Variants in USP14 observed in about 807,000 individuals in gnomAD.
The protein encoded by USP14 is ubiquitin carboxyl-terminal hydrolase 14.
A neutral mutation model predicts 76.5 loss-of-function variants in USP14; 38 were observed. The observed-to-expected ratio is 0.50, with a 90% CI of 0.38 to 0.65. The LOEUF (loss-of-function observed/expected upper bound fraction) is 0.65, where lower values mean the gene tolerates loss of function less well. Ranked by LOEUF, USP14 falls within the 30% of genes least tolerant of loss-of-function variation. The probability of loss-of-function intolerance (pLI) is 0.00; values close to 1 mark genes in which losing one functional copy is unlikely to be tolerated. For missense variants in USP14, 467 were observed against 586.5 expected, an observed-to-expected ratio of 0.80 and a Z score of 2.10; for synonymous variants, 192 against 191.7, an observed-to-expected ratio of 1.00 and a Z score of -0.01.
At chr18:185,163 T>A (rs963880779) in intron 5 of USP14, among the ~76,000 whole-genome samples, 3 of 152,116 alleles carry the variant, frequency 2.0e-5, no homozygotes, top group Non-Finnish European at 4.4e-5. Flanking sequence ...TCTTATTTTT[T>A]ATTTATTTAT....
rs887420783 is a variant in USP14, at chr18:159,066, C to G, written c.16+352C>G. The G allele has an allele frequency of 5.0e-5, 12 of 237,998 alleles. No individual in the cohort carries two copies. In the Admixed American group the frequency reaches 5.1e-4, roughly 10 times the overall value. The allele number at this position is 237,998 out of a possible 1,614,324, so 14.7% of individuals were successfully genotyped here. The stretch of plus-strand genomic sequence containing the variant: ...GCCAGGCTGGAGGTGCAGGGAGATT[C>G]CTTTGGGCTTCTCAGTGGTCGCCGT... On this transcript the variant is annotated intron_variant, in intron 1 of 15. Transcript: ENST00000261601.
At position 166,765 on chromosome 18, in the gene USP14, CTT is replaced by C. The variant is rs374612116; in HGVS notation, c.163-19_163-18del. On this transcript the variant is annotated intron_variant, in intron 2 of 15. Coordinates refer to ENST00000261601, the MANE Select transcript of USP14 (RefSeq NM_005151.4). Reference sequence around the variant, plus strand: ...AGCTTGTACAGTGGTGGTTAAATGTCTTTTGTTTGTCTTTGAAACAGGATGAT... The same window carrying C: ...AGCTTGTACAGTGGTGGTTAAATGTCTTGTTTGTCTTTGAAACAGGATGAT... 30 of 1,609,714 alleles carry C rather than the reference CTT, an allele frequency of 1.9e-5. 1 individual carries two copies. The African/African-American group carries it at 2.0e-4, about 11-fold the overall frequency.
rs538088353 is a variant in USP14 at position 214,500 on chromosome 18, A to G, written c.*3216A>G. 7.7e-6 allele frequency: 6 copies of G among 778,886 alleles called. No homozygotes were observed. The East Asian group carries it at 1.6e-4, about 21-fold the overall frequency. The allele number at this position is 778,886 out of a possible 1,614,324, so 48.2% of individuals were successfully genotyped here. A position where few individuals can be genotyped will look rare whatever the true frequency, so the allele number is the denominator to read the frequency against. On this transcript the variant is annotated 3_prime_UTR_variant, in exon 16 of 16. Transcript: ENST00000261601. The stretch of plus-strand genomic sequence containing the variant: ...ATATGTGTTCTATTGTTCTCAGAGC[A>G]CCAGCCGACTGTACAACAATTGTTA...
At chr18:182,562 G>C (rs1909814839) in intron 5 of USP14, among the ~76,000 whole-genome samples, 1 of 152,212 alleles carries the variant, frequency 6.6e-6, no homozygotes, top group Admixed American at 6.5e-5. Context: ...ACAAGACACA[G>C]TATCTGTCTT....
chr18:185,340 G>A (rs189677037), intron 5 of USP14, among the ~76,000 whole-genome samples: 2 of 151,888 alleles, frequency 1.3e-5, no homozygotes, highest in African/African-American at 2.4e-5. Flanking sequence ...TGTATTTTTA[G>A]TAGAGACGGG....
chr18:203,616 CT>C (rs773356989), intron 12 of USP14, among the ~76,000 whole-genome samples: 88 of 146,592 alleles, frequency 6.0e-4, no homozygotes, highest in African/African-American at 1.2e-3. Context: ...TGGTTTCTTT[CT>C]TTTTTTTTTT....
intron 5 of USP14, 82 bp downstream of exon 5, chr18:180,421 T>G (rs1909755547): frequency 2.6e-6 from 2 of 776,234 alleles, no homozygotes; most frequent in African/African-American, 1.8e-5. Context: ...TTTAGCATCT[T>G]AATTGAGATA....
At chr18:165,646 G>A (rs889058479) in intron 2 of USP14, among the ~76,000 whole-genome samples, 3 of 152,148 alleles carry the variant, frequency 2.0e-5, no homozygotes, top group African/African-American at 7.2e-5. Flanking sequence ...GAGTGTCAAA[G>A]AGGTTTAAGT....
At chr18:162,643 A>C (rs1417098454) in intron 1 of USP14, among the ~76,000 whole-genome samples, 1 of 152,042 alleles carries the variant, frequency 6.6e-6, no homozygotes, top group Non-Finnish European at 1.5e-5. Context: ...GCTGATGTGA[A>C]TGATTCTTCA....
rs182346253 is a variant in USP14, at chr18:209,599, T to C, written c.1165-372T>C. 1.5e-3 allele frequency among the ~76,000 whole-genome samples: 235 copies of C among 152,266 alleles called. 1 individual carries two copies. The highest frequency in any genetic ancestry group is 3.0e-3 in the Non-Finnish European group (206 of 68,012). The stretch of plus-strand genomic sequence containing the variant: ...TCTTGTTTTAGAGGTAGTTGTTTTT[T>C]CCCCCCACCTCTGTGGTTTGACAGT... On this transcript the variant is annotated intron_variant, in intron 13 of 15. Transcript: ENST00000261601.
rs888433085 is a variant in USP14, at chr18:199,292, G to T, written c.852G>T (p.Lys284Asn). ...QLSCFINQEVKYLFTGLKLRL... is the reference protein window; with the variant it reads ...QLSCFINQEVNYLFTGLKLRL... ...GCTGTTTTATCAATCAGGAAGTCAA[G>T]TATCTTTTTACAGGACTTAAATTGG... The change falls in exon 10 of 16, where the codon AAG becomes AAT. Residue 284 changes from lysine to asparagine, a missense_variant. Lys to Asn is a moderately conservative substitution (Grantham distance 94). Transcript: ENST00000261601. 6.2e-7 allele frequency: 1 copy of T among 1,613,478 alleles called. No individual in the cohort carries two copies. The highest frequency in any genetic ancestry group is 1.7e-5 in the Admixed American group (1 of 59,996).
At chr18:180,439 T>G in intron 5 of USP14, 100 bp downstream of exon 5, 1 of 715,748 alleles carries the variant, frequency 1.4e-6, no homozygotes, top group Non-Finnish European at 2.3e-6. Flanking sequence ...ATATAATTAA[T>G]TTATTATACA....
At chr18:202,134 A>C (rs1207311429) in intron 10 of USP14, among the ~76,000 whole-genome samples, 1 of 152,246 alleles carries the variant, frequency 6.6e-6, no homozygotes, top group Non-Finnish European at 1.5e-5. Context: ...AGAGCACATA[A>C]GTAGTGCTAA....
At chr18:180,025 AAAACAT>A (rs1259967633) in intron 4 of USP14, among the ~76,000 whole-genome samples, 9 of 152,182 alleles carry the variant, frequency 5.9e-5, no homozygotes, top group African/African-American at 2.2e-4. Flanking sequence ...GAAGGAAACT[AAAACAT>A]AATATGATGG....
At chr18:192,813 A>G (rs371171342) in intron 5 of USP14, 29 bp from the exon 6 acceptor site, 90 of 1,609,794 alleles carry the variant, frequency 5.6e-5, no homozygotes, top group Non-Finnish European at 7.4e-5. Flanking sequence ...ATTGAATTCT[A>G]TTGTTTAACT....
intron 1 of USP14, among the ~76,000 whole-genome samples, chr18:161,434 T>C (rs1470735375): frequency 6.6e-6 from 1 of 152,198 alleles, no homozygotes; most frequent in Non-Finnish European, 1.5e-5. Context: ...ACCTAATCTT[T>C]TCTTGAGATT....
chr18:202,014 A>C (rs189233178), intron 10 of USP14, among the ~76,000 whole-genome samples: 27 of 152,344 alleles, frequency 1.8e-4, no homozygotes, highest in African/African-American at 5.5e-4. Flanking sequence ...TTGTAATATG[A>C]TTAGTAATTT....
intron 6 of USP14, among the ~76,000 whole-genome samples, 198 bp downstream of exon 6, chr18:193,098 AAAT>A: frequency 6.6e-6 from 1 of 152,316 alleles, no homozygotes; most frequent in Non-Finnish European, 1.5e-5. Flanking sequence ...CGTTTGTGAA[AAAT>A]AATCTTTGGA....
intron 10 of USP14, 30 bp from the exon 11 acceptor site, chr18:202,850 T>A: frequency 6.2e-7 from 1 of 1,611,196 alleles, no homozygotes; most frequent in Non-Finnish European, 8.5e-7. Context: ...TTAAAACTAA[T>A]GTTTGGTCTT....
Sources: allele counts gnomAD v4.1 joint callset (sites outside exome capture counted in the v4.1 genomes callset), GRCh38; gene constraint gnomAD v4.1.1; transcripts MANE v1.5; gene names NCBI Gene and HGNC (gene_info 2026-07-23, HGNC 2026-07-21).